The following C10orf90 variants were observed in gnomAD, a reference collection of about 807,000 sequenced individuals.
C10orf90 encodes chromosome 10 open reading frame 90.
In C10orf90, 56 loss-of-function variants were observed where a neutral mutation model predicts 62.5. That is an observed-to-expected ratio of 0.90 (90% confidence interval 0.72 to 1.12). The LOEUF is 1.12. C10orf90 is among the 50% of genes most tolerant of loss of function. The probability of loss-of-function intolerance (pLI) is 0.00; values close to 1 mark genes in which losing one functional copy is unlikely to be tolerated. For synonymous variants in C10orf90, 386 were observed against 340.4 expected (o/e 1.13, Z -1.47); for missense variants, 970 against 880.4 (o/e 1.10, Z -1.29).
chr10:126,649,884 A>G (rs1846257122), intron 1 of C10orf90, among the ~76,000 whole-genome samples: 1 of 152,112 alleles, frequency 6.6e-6, no homozygotes, highest in Admixed American at 6.5e-5. Context: ...TTAATGAGAA[A>G]CACAGTGGAT....
At chr10:126,490,599 A>T (rs558136366) in intron 4 of C10orf90, among the ~76,000 whole-genome samples, 1 of 152,278 alleles carries the variant, frequency 6.6e-6, no homozygotes, top group African/African-American at 2.4e-5. Flanking sequence ...ACAGAACTGT[A>T]CGCTTACAAC....
chr10:126,504,794 C>T lies in C10orf90; in HGVS notation c.697G>A (p.Gly233Arg), dbSNP rs1200088723. 1.3e-6 allele frequency: 2 copies of T among 1,586,890 alleles called. No individual in the cohort carries two copies. Among genetic ancestry groups the T allele is most frequent in the Admixed American group, 1.7e-5 (1 of 58,008 alleles). ...EERPCGGPRR[G>R]FASITITARR... ...GCCGTGATGGTGATGGATGCAAACCCTCTGCGGGGGCCCCCACAGGGTCTC... is the reference window on the plus strand; with the variant it reads ...GCCGTGATGGTGATGGATGCAAACCTTCTGCGGGGGCCCCCACAGGGTCTC... Residue 233 changes from glycine (G) to arginine (R), a missense_variant, in exon 4 of 10, where the codon GGG (glycine) becomes AGG (arginine). Transcript: ENST00000488181. This position sits in a 1 kb window ranked among gnomAD's most constrained non-coding sequence, Gnocchi z 4.1.
chr10:126,511,230 A>C (rs1417939511), intron 3 of C10orf90, among the ~76,000 whole-genome samples: 1 of 152,158 alleles, frequency 6.6e-6, no homozygotes, highest in Admixed American at 6.5e-5. Context: ...AAATGGAAAA[A>C]TCTGAGCTTT....
At chr10:126,481,228 T>A (rs1214991343) in intron 4 of C10orf90, among the ~76,000 whole-genome samples, 2 of 152,182 alleles carry the variant, frequency 1.3e-5, no homozygotes, top group African/African-American at 2.4e-5. Flanking sequence ...CCCAATCACA[T>A]CATCTGACTT....
At chr10:126,514,031 T>G in intron 2 of C10orf90, 92 bp from the exon 3 acceptor site, 1 of 847,980 alleles carries the variant, frequency 1.2e-6, no homozygotes, top group South Asian at 1.6e-5. Flanking sequence ...TGTCACCTAC[T>G]CACATATTCT....
intron 4 of C10orf90, among the ~76,000 whole-genome samples, chr10:126,465,662 TA>T (rs1401510649): frequency 6.6e-6 from 1 of 152,184 alleles, no homozygotes; most frequent in East Asian, 1.9e-4. Flanking sequence ...ATAGCTCTAA[TA>T]AAGCAGTGGG....
Position 126,642,863 on chromosome 10 carries a change from C to T in C10orf90, c.313+3702G>A, listed in dbSNP as rs76118458. 4.1e-3 allele frequency among the ~76,000 whole-genome samples: 625 copies of T among 152,290 alleles called. 6 individuals carry two copies. The highest frequency in any genetic ancestry group is 0.013 in the African/African-American group (559 of 41,562). Reference sequence around the variant, plus strand: ...CACAAACTCAGGATCCTCCCACCAGCACCCCGCTAACCCCATAAGCCTCCT... The same window carrying T: ...CACAAACTCAGGATCCTCCCACCAGTACCCCGCTAACCCCATAAGCCTCCT... On this transcript the variant is annotated intron_variant, in intron 2 of 9. Transcript: ENST00000488181.
At chr10:126,494,037 G>GGATATTTAT (rs1861905709) in intron 4 of C10orf90, among the ~76,000 whole-genome samples, 1 of 152,160 alleles carries the variant, frequency 6.6e-6, no homozygotes, top group African/African-American at 2.4e-5. Context: ...ACATGCACAA[G>GGATATTTAT]GATATTTATG....
intron 2 of C10orf90, among the ~76,000 whole-genome samples, chr10:126,532,566 G>A (rs1396083163): frequency 2.0e-5 from 3 of 151,946 alleles, no homozygotes; most frequent in Non-Finnish European, 2.9e-5. Context: ...GGCCGGGCGC[G>A]GTGGCTCACG....
At chr10:126,507,749 G>A (rs1200271596) in intron 3 of C10orf90, among the ~76,000 whole-genome samples, 1 of 152,126 alleles carries the variant, frequency 6.6e-6, no homozygotes, top group Admixed American at 6.5e-5. Flanking sequence ...AATTACATTA[G>A]AATTCCTGGG....
At chr10:126,570,981 C>T (rs2134003591) in intron 2 of C10orf90, among the ~76,000 whole-genome samples, 1 of 152,222 alleles carries the variant, frequency 6.6e-6, no homozygotes, top group East Asian at 1.9e-4. Context: ...TCTCCAATGC[C>T]ATTTCCATCC....
chr10:126,453,850 CT>C lies in C10orf90; in HGVS notation c.2188+5189del, dbSNP rs1190721582. Among the ~76,000 whole-genome samples, 1 of 152,112 alleles carries C rather than the reference CT, an allele frequency of 6.6e-6. No individual in the cohort carries two copies. The highest frequency in any genetic ancestry group is 2.4e-5 in the African/African-American group (1 of 41,414). ...AGCACAGAGAGGAGGAACAGACAGG[CT>C]TCTCTCAGGTGGTTTGGGAACCCTG... On this transcript the variant is annotated intron_variant, in intron 7 of 9. Transcript: ENST00000488181. The surrounding 1 kb of genome is among the most constrained non-coding windows in gnomAD (Gnocchi z 4.9).
At chr10:126,476,726 T>A (rs114229868) in intron 4 of C10orf90, among the ~76,000 whole-genome samples, 85 of 152,332 alleles carry the variant, frequency 5.6e-4, no homozygotes, top group African/African-American at 2.0e-3. Flanking sequence ...GAGTAACTCA[T>A]AAGAAACAAA....
chr10:126,556,961 T>C (rs954773249), intron 2 of C10orf90, among the ~76,000 whole-genome samples: 1 of 151,444 alleles, frequency 6.6e-6, no homozygotes, highest in Admixed American at 6.6e-5. Flanking sequence ...GAAAGTTGTT[T>C]CTATTAGGTT....
intron 2 of C10orf90, among the ~76,000 whole-genome samples, chr10:126,578,734 A>T (rs1039666310): frequency 1.3e-5 from 2 of 152,268 alleles, no homozygotes; most frequent in African/African-American, 4.8e-5. Flanking sequence ...ACTAAATTGA[A>T]TGTTTGCACA....
intron 1 of C10orf90, among the ~76,000 whole-genome samples, chr10:126,659,890 T>C (rs950885017): frequency 6.6e-6 from 1 of 152,232 alleles, no homozygotes; most frequent in African/African-American, 2.4e-5. Flanking sequence ...ACATACCGCA[T>C]GCACTTCTGT....
rs1590868456 is a variant in C10orf90, at chr10:126,425,579, G to A, written c.*285C>T. 7.0e-6 allele frequency: 3 copies of A among 429,798 alleles called. No homozygotes were observed. Among genetic ancestry groups the A allele is most frequent in the East Asian group, 7.3e-5 (2 of 27,578 alleles). 26.6% of individuals were successfully genotyped at this position (429,798 alleles called of 1,614,324 possible). A position where few individuals can be genotyped will look rare whatever the true frequency, so the allele number is the denominator to read the frequency against. On this transcript the variant is annotated 3_prime_UTR_variant, in exon 10 of 10. Coordinates refer to ENST00000488181, the MANE Select transcript of C10orf90 (RefSeq NM_001350921.2). ...AACAGCAGGGGAGAAGAAATCAGAA[G>A]CAAAAGGTACAATTTAGAAGCAAAA...
At chr10:126,550,744 G>A (rs6597779) in intron 2 of C10orf90, among the ~76,000 whole-genome samples, 50,570 of 151,964 alleles carry the variant, frequency 0.33, 8,868 homozygotes, top group African/African-American at 0.43. Flanking sequence ...TCCTGACCCC[G>A]GGTGATTCAC....
intron 4 of C10orf90, among the ~76,000 whole-genome samples, chr10:126,485,457 T>A (rs1051905399): frequency 5.3e-5 from 8 of 152,138 alleles, no homozygotes; most frequent in Non-Finnish European, 1.2e-4. Context: ...ATAGAAAAAC[T>A]AACAATGCAA....
Sources: allele counts gnomAD v4.1 joint callset (sites outside exome capture counted in the v4.1 genomes callset), GRCh38; gene constraint gnomAD v4.1.1; non-coding constraint Gnocchi (gnomAD v3.1); transcripts MANE v1.5; gene names NCBI Gene and HGNC (gene_info 2026-07-23, HGNC 2026-07-21).